C7: variants seen among roughly 807,000 people sequenced by gnomAD.
C7 encodes the protein complement component C7.
In C7, 83 loss-of-function variants were observed where a neutral mutation model predicts 104.8. The ratio of observed to expected loss-of-function variants is 0.79; its 90% confidence interval spans 0.66 to 0.95. The LOEUF (loss-of-function observed/expected upper bound fraction) is 0.95. Ranked by LOEUF, C7 falls within the 40% of genes least tolerant of loss-of-function variation. The pLI is 0.00. For missense variants in C7, 1,070 were observed against 1,011.2 expected, an observed-to-expected ratio of 1.06 and a Z score of -0.79; for synonymous variants, 415 against 360.6, an observed-to-expected ratio of 1.15 and a Z score of -1.71.
chr5:40,977,780 A>T (rs1319345589), intron 16 of C7, among the ~76,000 whole-genome samples: 1 of 152,160 alleles, frequency 6.6e-6, no homozygotes, highest in African/African-American at 2.4e-5. Flanking sequence ...TGGAAAGTGG[A>T]TCTGGGGAGG....
intron 13 of C7, among the ~76,000 whole-genome samples, chr5:40,963,810 GA>G (rs1324321769): frequency 1.3e-5 from 2 of 152,072 alleles, no homozygotes; most frequent in Non-Finnish European, 2.9e-5. Context: ...AAACGTTCTT[GA>G]ATCTGACCCA....
rs1475796453 is a variant in C7 at position 40,924,139 on chromosome 5, C to A, written c.7-4441C>A. The stretch of plus-strand genomic sequence containing the variant: ...GAGTTTGTAAAATCGAAACAAATTA[C>A]TTACTTCCAAGATAGAATTGGGGTA... On this transcript the variant is annotated intron_variant, in intron 1 of 17. Coordinates refer to ENST00000313164, the MANE Select transcript of C7 (RefSeq NM_000587.4). Among the ~76,000 whole-genome samples, 3 of 152,286 alleles carry A rather than the reference C, an allele frequency of 2.0e-5. No individual in the cohort carries two copies. In the East Asian group the frequency reaches 5.8e-4, roughly 29 times the overall value.
chr5:40,958,256 A>G lies in C7; in HGVS notation c.1484A>G (p.Gln495Arg), dbSNP rs1740343895. 1 of 1,597,412 alleles carries G rather than the reference A, an allele frequency of 6.3e-7. No homozygotes were observed. Among genetic ancestry groups the G allele is most frequent in the East Asian group, 2.2e-5 (1 of 44,756 alleles). The change falls in exon 11 of 18, where the codon CAA becomes CGA. Residue 495 changes from glutamine to arginine, a missense_variant. By Grantham distance (43) the Gln-to-Arg change is conservative. Transcript: ENST00000313164. ...ACEQGVLVGN[Q>R]AGGVDGGWSC... ...GAGCAAGGAGTCCTCGTAGGGAATC[A>G]AGCAGGTCAGTGGGGTGAATTTTCT...
At chr5:40,943,990 T>C (rs1396535190) in intron 6 of C7, among the ~76,000 whole-genome samples, 3 of 152,226 alleles carry the variant, frequency 2.0e-5, no homozygotes, top group East Asian at 1.9e-4. Flanking sequence ...TTCACACTTA[T>C]ACCTGTCTTC....
At chr5:40,938,084 T>C (rs1739854557) in intron 6 of C7, among the ~76,000 whole-genome samples, 1 of 152,104 alleles carries the variant, frequency 6.6e-6, no homozygotes, top group African/African-American at 2.4e-5. Context: ...ATTTCATATA[T>C]ACAAAAGGGT....
At position 40,966,065 on chromosome 5, in the gene C7, TTGTC is replaced by T. The variant is rs1485987479; in HGVS notation, c.1882+1198_1882+1201del. On this transcript the variant is annotated intron_variant, in intron 14 of 17. Transcript: ENST00000313164. ...CTTTTGTCCATTAAAAATAATCGGTTTGTCTGTCTTTTTCTTATTTTTTAATTTA... is the reference window on the plus strand; with the variant it reads ...CTTTTGTCCATTAAAAATAATCGGTTTGTCTTTTTCTTATTTTTTAATTTA... Among the ~76,000 whole-genome samples the T allele has an allele frequency of 6.3e-4, 96 of 152,202 alleles. 1 individual carries two copies. Among genetic ancestry groups the T allele is most frequent in the Middle Eastern group, 6.8e-3 (2 of 294 alleles).
At chr5:40,965,216 C>T (rs3805221) in intron 14 of C7, among the ~76,000 whole-genome samples, 29,904 of 152,110 alleles carry the variant, frequency 0.2, 3,722 homozygotes, top group South Asian at 0.4. Context: ...AATGCTTTGC[C>T]TCCTGTTCTG....
rs575521008 is a variant in C7 at position 40,942,867 on chromosome 5, C to A, written c.568-2331C>A. Among the ~76,000 whole-genome samples, 22 of 151,744 alleles carry A rather than the reference C, an allele frequency of 1.4e-4. No homozygotes were observed. The South Asian group carries it at 4.2e-3, about 29-fold the overall frequency. On this transcript the variant is annotated intron_variant, in intron 6 of 17. Coordinates refer to ENST00000313164, the MANE Select transcript of C7 (RefSeq NM_000587.4). Reference sequence around the variant, plus strand: ...GCAACCTCCGCCTCCTGGGTTCAAGCGATTCTCCTGGTTCAGCCTCCCGAG... The same window carrying A: ...GCAACCTCCGCCTCCTGGGTTCAAGAGATTCTCCTGGTTCAGCCTCCCGAG...
At chr5:40,950,133 G>T (rs1579858243) in intron 9 of C7, 119 bp downstream of exon 9, 8 of 627,518 alleles carry the variant, frequency 1.3e-5, no homozygotes, top group African/African-American at 3.7e-5. Context: ...TTGTTGTACA[G>T]ATTATTTTGT....
intron 12 of C7, 69 bp from the exon 13 acceptor site, chr5:40,962,016 C>A: frequency 1.3e-6 from 1 of 751,262 alleles, no homozygotes; most frequent in Admixed American, 3.6e-5. Flanking sequence ...AGGAGAAATC[C>A]AACGTAATGC....
At chr5:40,932,622 T>A (rs927455858) in intron 3 of C7, among the ~76,000 whole-genome samples, 1 of 152,116 alleles carries the variant, frequency 6.6e-6, no homozygotes, top group African/African-American at 2.4e-5. Context: ...AATAAAGAAT[T>A]TGGCTTCTAG....
At position 40,947,583 on chromosome 5, in the gene C7, CTCTT is replaced by C; in HGVS notation, c.739-14_739-11del. On this transcript the variant is annotated splice_polypyrimidine_tract_variant and intron_variant, in intron 7 of 17. Coordinates refer to ENST00000313164, the MANE Select transcript of C7 (RefSeq NM_000587.4). ...TATCTTCCACCTAAAACTCCTTGTA[CTCTT>C]TCTTCTTTCCACAGAGTTACCAACT... The C allele has an allele frequency of 1.2e-6, 2 of 1,612,034 alleles. No homozygotes were observed. The highest frequency in any genetic ancestry group is 1.7e-6 in the Non-Finnish European group (2 of 1,178,892).
At chr5:40,914,752 T>C (rs2597746) in intron 1 of C7, among the ~76,000 whole-genome samples, 77,596 of 152,056 alleles carry the variant, frequency 0.51, 21,856 homozygotes, top group African/African-American at 0.78. Flanking sequence ...GGGCCATCCC[T>C]ATTCTCAAGA....
rs553023162 is a variant in C7 at position 40,978,601 on chromosome 5, G to T, written c.2166-1124G>T. ...AGATAGATTCAAAACAACAGGATTT[G>T]TTTCTGTTTTATAAATAACTCCAAG... is the stretch of plus-strand genomic sequence containing the variant. On this transcript the variant is annotated intron_variant, in intron 16 of 17. Coordinates refer to ENST00000313164, the MANE Select transcript of C7 (RefSeq NM_000587.4). 4.8e-4 allele frequency among the ~76,000 whole-genome samples: 73 copies of T among 152,240 alleles called. 1 individual carries two copies. Among genetic ancestry groups the T allele is most frequent in the Admixed American group, 1.3e-3 (20 of 15,294 alleles).
intron 17 of C7, 45 bp from the exon 18 acceptor site, chr5:40,981,347 G>A (rs757434576): frequency 3.1e-5 from 48 of 1,562,576 alleles, no homozygotes; most frequent in African/African-American, 2.3e-4. Context: ...TTGACTCCCC[G>A]ACCTCCACAA....
chr5:40,968,061 A>AT, intron 14 of C7, among the ~76,000 whole-genome samples: 1 of 152,024 alleles, frequency 6.6e-6, no homozygotes, highest in Admixed American at 6.5e-5. Flanking sequence ...GGACCATTAT[A>AT]TTTTTTAACA....
At chr5:40,972,708 G>C (rs75193192) in intron 15 of C7, 114 bp downstream of exon 15, 1 of 802,926 alleles carries the variant, frequency 1.2e-6, no homozygotes. Flanking sequence ...CTCCATTCTT[G>C]CTCCTTAAGA....
Position 40,937,625 on chromosome 5 carries a change from G to A in C7, c.502G>A (p.Val168Met). The change falls in exon 6 of 18, where the codon GTG becomes ATG. Residue 168 changes from valine to methionine, a missense_variant. Val to Met is a conservative substitution (Grantham distance 21). Coordinates refer to ENST00000313164, the MANE Select transcript of C7 (RefSeq NM_000587.4). ...AAGTTTTGGTGGTCAATGTAGAAAG[G>A]TGTTTAGTGGGGATGGAAAAGATTT... ...TKSFGGQCRK[V>M]FSGDGKDFYR... 6.2e-7 allele frequency: 1 copy of A among 1,612,280 alleles called. No homozygotes were observed. The highest frequency in any genetic ancestry group is 1.7e-4 in the Middle Eastern group (1 of 6,058).
intron 14 of C7, among the ~76,000 whole-genome samples, chr5:40,967,113 T>A (rs1022493463): frequency 1.3e-5 from 2 of 151,030 alleles, no homozygotes; most frequent in Non-Finnish European, 2.9e-5. Flanking sequence ...ATCGCCAGGC[T>A]GGAGTGCAGT....
Sources: allele counts gnomAD v4.1 joint callset (sites outside exome capture counted in the v4.1 genomes callset), GRCh38; gene constraint gnomAD v4.1.1; transcripts MANE v1.5; gene names NCBI Gene and HGNC (gene_info 2026-07-23, HGNC 2026-07-21).